IGF2R: variants seen among roughly 807,000 people sequenced by gnomAD.
The protein encoded by IGF2R is cation-independent mannose-6-phosphate receptor.
A neutral mutation model predicts 270.6 loss-of-function variants in IGF2R; 91 were observed. The observed-to-expected ratio is 0.34, with a 90% confidence interval of 0.28 to 0.40. IGF2R has a LOEUF of 0.40. Among genes scored for constraint, IGF2R ranks in the 10% least tolerant of loss-of-function variants. IGF2R has a pLI of 1.00. For synonymous variants in IGF2R, 1,316 were observed against 1,258.9 expected (o/e 1.05, Z -0.96); for missense variants, 2,805 against 3,188.3 (o/e 0.88, Z 2.90).
Position 160,060,713 on chromosome 6 carries a change from C to T in IGF2R, c.3258C>T (p.Val1086=), listed in dbSNP as rs950518561. 3.7e-6 allele frequency: 6 copies of T among 1,614,216 alleles called. No homozygotes were observed. Among genetic ancestry groups the T allele is most frequent in the Admixed American group, 1.7e-5 (1 of 60,028 alleles). ...TTCCTTCTCCAGTGGACTGCCAAGT[C>T]ACCGGTAAGGCCGTGCGGCCTAAGA... The part of the protein sequence containing the change: ...ACVPSPVDCQ[V]TDLAGNEYDL... Residue 1086 remains valine (V), a synonymous_variant, in exon 23 of 48, where the codon GTC becomes GTT. Coordinates refer to ENST00000356956, the MANE Select transcript of IGF2R (RefSeq NM_000876.4).
intron 1 of IGF2R, among the ~76,000 whole-genome samples, chr6:159,977,432 C>T (rs1783711777): frequency 6.6e-6 from 1 of 152,182 alleles, no homozygotes; most frequent in East Asian, 1.9e-4. Flanking sequence ...CAGGATGTGC[C>T]TCTGTGGCTG....
rs1779674903 is a variant in IGF2R, at chr6:160,108,527, G to A, written c.*3443G>A. 6.6e-6 allele frequency: 1 copy of A among 152,320 alleles called. No homozygotes were observed. The highest frequency in any genetic ancestry group is 6.5e-5 in the Admixed American group (1 of 15,274). The allele number at this position is 152,320 out of a possible 1,614,324, so 9.4% of individuals were successfully genotyped here. ...GCAACCAGATGGGAGGTTGGGCATG[G>A]GAGCTGTGGCTGTGCTGAGCTGAGA... On this transcript the variant is annotated 3_prime_UTR_variant, in exon 48 of 48. Transcript: ENST00000356956.
In IGF2R at chr6:160,109,462, A is replaced by AT. The variant is rs1779696968; in HGVS notation, c.*4384dup. 6.6e-6 allele frequency: 1 copy of AT among 152,182 alleles called. No homozygotes were observed. Among genetic ancestry groups the AT allele is most frequent in the African/African-American group, 2.4e-5 (1 of 41,440 alleles). The allele number at this position is 152,182 out of a possible 1,614,324, so 9.4% of individuals were successfully genotyped here. On this transcript the variant is annotated 3_prime_UTR_variant, in exon 48 of 48. Coordinates refer to ENST00000356956, the MANE Select transcript of IGF2R (RefSeq NM_000876.4). Reference sequence around the variant, plus strand: ...ATTCAAACTTACAGAACAAAGAACTATTTTTTCCCTGAATCATTTGAGACT... The same window carrying AT: ...ATTCAAACTTACAGAACAAAGAACTATTTTTTTCCCTGAATCATTTGAGACT...
chr6:160,030,822 GTT>G (rs554469035), intron 7 of IGF2R, among the ~76,000 whole-genome samples: 29 of 133,584 alleles, frequency 2.2e-4, no homozygotes, highest in Non-Finnish European at 2.0e-4. Context: ...AGTTCCCTCT[GTT>G]TTTTTTTTTT....
Position 160,102,431 on chromosome 6 carries a change from T to A in IGF2R, c.6843-88T>A, listed in dbSNP as rs953702617. 27 of 1,442,788 alleles carry A rather than the reference T, an allele frequency of 1.9e-5. No individual in the cohort carries two copies. The Middle Eastern group carries it at 7.6e-4, about 41-fold the overall frequency. 89.4% of individuals were successfully genotyped at this position (1,442,788 alleles called of 1,614,324 possible). A position where few individuals can be genotyped will look rare whatever the true frequency, so the allele number is the denominator to read the frequency against. On this transcript the variant is annotated intron_variant, in intron 45 of 47. Transcript: ENST00000356956. This position sits in a 1 kb window ranked among gnomAD's most constrained non-coding sequence, Gnocchi z 4.5. ...ATGGTGTTGGGAAAGTCAGAGCTGC[T>A]CTTGCCTTGGGGACTCAGGTCTCAG...
chr6:159,993,226 CT>C (rs1466520269), intron 2 of IGF2R, among the ~76,000 whole-genome samples: 1 of 152,102 alleles, frequency 6.6e-6, no homozygotes, highest in East Asian at 1.9e-4. Context: ...TGTGCAGAAG[CT>C]TTTTAGTTTA....
intron 47 of IGF2R, among the ~76,000 whole-genome samples, chr6:160,104,337 C>T (rs1348486198): frequency 6.6e-6 from 1 of 152,034 alleles, no homozygotes; most frequent in Non-Finnish European, 1.5e-5. Context: ...CCCCTTCTCC[C>T]CCAGCTGCGC....
In IGF2R at chr6:160,106,564, A is replaced by G. The variant is rs952970936; in HGVS notation, c.*1480A>G. 1 of 151,872 alleles carries G rather than the reference A, an allele frequency of 6.6e-6. No individual in the cohort carries two copies. Among genetic ancestry groups the G allele is most frequent in the African/African-American group, 2.4e-5 (1 of 41,304 alleles). The allele number at this position is 151,872 out of a possible 1,614,324, so 9.4% of individuals were successfully genotyped here. Reference sequence around the variant, plus strand: ...GATAAATTATTAATTGGGTGTTACCATTTTTTCCTTGATAGTGAGACGTTC... The same window carrying G: ...GATAAATTATTAATTGGGTGTTACCGTTTTTTCCTTGATAGTGAGACGTTC... On this transcript the variant is annotated 3_prime_UTR_variant, in exon 48 of 48. Transcript: ENST00000356956.
chr6:160,015,624 C>A (rs1166785635), intron 4 of IGF2R, among the ~76,000 whole-genome samples: 26 of 152,306 alleles, frequency 1.7e-4, no homozygotes, highest in Admixed American at 1.7e-3. Context: ...GCCTCAGAGC[C>A]ATGGTTTCTG....
rs1025044822 is a variant in IGF2R at position 160,043,531 on chromosome 6, G to A, written c.1621+243G>A. Among the ~76,000 whole-genome samples, 6 of 152,262 alleles carry A rather than the reference G, an allele frequency of 3.9e-5. No individual in the cohort carries two copies. The East Asian group carries it at 5.8e-4, about 15-fold the overall frequency. On this transcript the variant is annotated intron_variant, in intron 12 of 47. Coordinates refer to ENST00000356956, the MANE Select transcript of IGF2R (RefSeq NM_000876.4). ...CATAACTGGGAACAGAAGGAACCAC[G>A]TGGAAAATACTACATCATCTTTTTA...
At chr6:160,098,546 C>T (rs1409033390) in intron 45 of IGF2R, among the ~76,000 whole-genome samples, 3 of 152,068 alleles carry the variant, frequency 2.0e-5, no homozygotes, top group South Asian at 2.1e-4. Context: ...TGGCCAGACG[C>T]GGTGGCTCAC....
At position 160,088,069 on chromosome 6, in the gene IGF2R, C is replaced by G; in HGVS notation, c.6242C>G (p.Pro2081Arg). 1 of 1,613,570 alleles carries G rather than the reference C, an allele frequency of 6.2e-7. No individual in the cohort carries two copies. Among genetic ancestry groups the G allele is most frequent in the Non-Finnish European group, 8.5e-7 (1 of 1,179,476 alleles). Residue 2081 changes from proline (P) to arginine (R), a missense_variant, in exon 42 of 48, where the codon CCG becomes CGG. Pro to Arg is a moderately radical substitution (Grantham distance 103, BLOSUM62 -2). This residue lies in a region of IGF2R where 1,851 missense variants were observed against 2,207.2 expected (regional missense o/e 0.84). Transcript: ENST00000356956. ...GTTGTCACGTACTCCAAAGGTTATC[C>G]GTGTGGTGGAAATAAGACCGCATCC... ...KVVVTYSKGY[P>R]CGGNKTASSV...
At chr6:160,062,707 T>C in intron 26 of IGF2R, 88 bp downstream of exon 26, 1 of 898,124 alleles carries the variant, frequency 1.1e-6, no homozygotes, top group Non-Finnish European at 1.8e-6. Flanking sequence ...GACCGTGTGA[T>C]AACAGCCATA....
chr6:160,084,121 C>A lies in IGF2R; in HGVS notation c.6005C>A (p.Thr2002Asn). Residue 2002 changes from threonine (T) to asparagine (N), a missense_variant, in exon 40 of 48, where the codon ACC becomes AAC. Thr to Asn is a moderately conservative substitution (Grantham distance 65). This residue lies in a region of IGF2R where 1,851 missense variants were observed against 2,207.2 expected (regional missense o/e 0.84). Coordinates refer to ENST00000356956, the MANE Select transcript of IGF2R (RefSeq NM_000876.4). This position sits in a 1 kb window ranked among gnomAD's most constrained non-coding sequence, Gnocchi z 4.6. The stretch of plus-strand genomic sequence containing the variant: ...TGCAAATTCGTCCAGAAACACAAAA[C>A]CTACGACCTGCGGCTGCTCTCCTCT... ...LECKFVQKHK[T>N]YDLRLLSSLT... The A allele has an allele frequency of 6.2e-7, 1 of 1,614,164 alleles. No individual in the cohort carries two copies. Among genetic ancestry groups the A allele is most frequent in the South Asian group, 1.1e-5 (1 of 91,070 alleles).
intron 45 of IGF2R, 101 bp downstream of exon 45, chr6:160,096,726 A>C: frequency 1.0e-6 from 1 of 993,900 alleles, no homozygotes; most frequent in Non-Finnish European, 1.5e-6. Flanking sequence ...TGAAATATTC[A>C]GAACATGCAC....
chr6:160,079,732 G>T lies in IGF2R; in HGVS notation c.5631G>T (p.Arg1877Ser), dbSNP rs756293633. 9.4e-6 allele frequency: 14 copies of T among 1,492,120 alleles called. No individual in the cohort carries two copies. The highest frequency in any genetic ancestry group is 2.4e-5 in the Admixed American group (1 of 41,304). The allele number at this position is 1,492,120 out of a possible 1,614,324, so 92.4% of individuals were successfully genotyped here. Residue 1877 changes from arginine to serine, a missense_variant, in exon 38 of 48, where the codon AGG (arginine) becomes AGT (serine). Coordinates refer to ENST00000356956, the MANE Select transcript of IGF2R (RefSeq NM_000876.4). ...TGCAATCAATGAAACTGGATTACAG[G>T]CACCAGGATGAAGCGGTCGTTTTAA... is the stretch of plus-strand genomic sequence containing the variant. The part of the protein sequence containing the change: ...GRLQSMKLDY[R>S]HQDEAVVLSY...
chr6:160,077,569 G>A (rs573892389), intron 36 of IGF2R, among the ~76,000 whole-genome samples: 11 of 152,340 alleles, frequency 7.2e-5, no homozygotes, highest in African/African-American at 2.6e-4. Context: ...AGCATCTTAT[G>A]CTGAATGTGT....
At chr6:159,980,206 A>AG (rs1429742974) in intron 1 of IGF2R, among the ~76,000 whole-genome samples, 1,365 of 93,028 alleles carry the variant, frequency 0.015, 102 homozygotes, top group African/African-American at 0.055. Context: ...AAAGAAAGAA[A>AG]GAAAGAAAGA....
chr6:159,993,025 A>G (rs1470837877), intron 2 of IGF2R, among the ~76,000 whole-genome samples: 1 of 152,092 alleles, frequency 6.6e-6, no homozygotes, highest in Non-Finnish European at 1.5e-5. Context: ...GAACATTTTT[A>G]CATATGCTTG....
Sources: gnomAD v4.1 joint callset for allele counts (sites outside exome capture counted in the v4.1 genomes callset) on GRCh38, gnomAD v4.1.1 for gene constraint, gnomAD v4.1.1 regional missense constraint, Gnocchi (gnomAD v3.1) non-coding constraint, MANE v1.5 for transcripts, NCBI Gene and HGNC (gene_info 2026-07-23, HGNC 2026-07-21) for gene names.